Variants in PLEKHG5 observed in about 807,000 individuals in gnomAD.
The protein encoded by PLEKHG5 is pleckstrin homology domain-containing family G member 5.
A neutral mutation model predicts 103.8 loss-of-function variants in PLEKHG5; 52 were observed. The ratio of observed to expected loss-of-function variants is 0.50; its 90% CI spans 0.40 to 0.63. PLEKHG5 has a LOEUF of 0.63. Ranked by LOEUF, PLEKHG5 falls within the 30% of genes least tolerant of loss-of-function variation. The pLI, the probability that PLEKHG5 is intolerant of heterozygous loss-of-function variation, is 0.00. For missense variants in PLEKHG5, 1,205 were observed against 1,347.6 expected, an observed-to-expected ratio of 0.89 and a Z score of 1.66; for synonymous variants, 592 against 575.5, an observed-to-expected ratio of 1.03 and a Z score of -0.41.
chr1:6,518,868 G>C (rs768858094), intron 1 of PLEKHG5, among the ~76,000 whole-genome samples: 8 of 152,172 alleles, frequency 5.3e-5, no homozygotes, highest in Non-Finnish European at 1.2e-4. Flanking sequence ...GTTTGAGACG[G>C]AGTCTTGCTC....
rs760991976 is a variant in PLEKHG5 at position 6,471,817 on chromosome 1, T to G, written c.1081-9A>C. Reference sequence around the variant, plus strand: ...AGGCAGCACAGGAACAGCTGTGGGATCAGGGGATGGTGTGACTGGGGTCGG... The same window carrying G: ...AGGCAGCACAGGAACAGCTGTGGGAGCAGGGGATGGTGTGACTGGGGTCGG... On this transcript the variant is annotated splice_polypyrimidine_tract_variant and intron_variant, in intron 10 of 20. Coordinates refer to ENST00000377728, the MANE Select transcript of PLEKHG5 (RefSeq NM_020631.6). 6.2e-7 allele frequency: 1 copy of G among 1,604,604 alleles called. No individual in the cohort carries two copies. Among genetic ancestry groups the G allele is most frequent in the Admixed American group, 1.7e-5 (1 of 59,042 alleles).
chr1:6,515,450 C>A (rs1419723915), intron 1 of PLEKHG5, among the ~76,000 whole-genome samples: 2 of 152,060 alleles, frequency 1.3e-5, no homozygotes, highest in Non-Finnish European at 2.9e-5. Flanking sequence ...TCACTTGAAC[C>A]CAGGAGGTGG....
intron 1 of PLEKHG5, among the ~76,000 whole-genome samples, chr1:6,517,925 G>A (rs952208666): frequency 1.3e-5 from 2 of 152,038 alleles, no homozygotes; most frequent in Non-Finnish European, 2.9e-5. Flanking sequence ...GCGTCATGGC[G>A]GATATATATA....
chr1:6,488,989 C>T (rs1462719691), intron 1 of PLEKHG5, among the ~76,000 whole-genome samples: 3 of 152,184 alleles, frequency 2.0e-5, no homozygotes, highest in East Asian at 1.9e-4. Context: ...TGCCCCACAA[C>T]GAGCTGGGGC....
At chr1:6,500,692 AC>A (rs531979809), upstream of PLEKHG5, among the ~76,000 whole-genome samples, 3 of 129,482 alleles carry the variant, frequency 2.3e-5, no homozygotes, top group Admixed American at 7.8e-5. Flanking sequence ...ACCATGAACT[AC>A]CCCCCTTGAG....
Position 6,474,684 on chromosome 1 carries a change from C to T in PLEKHG5, c.303-97G>A. ...CGAGCCCCCGCCCCACCCACAGCCC[C>T]AGCTGCCCCCACCTTCCCAACGGAA... On this transcript the variant is annotated intron_variant, in intron 5 of 20. Coordinates refer to ENST00000377728, the MANE Select transcript of PLEKHG5 (RefSeq NM_020631.6). 2.4e-6 allele frequency: 3 copies of T among 1,246,508 alleles called. No homozygotes were observed. The Middle Eastern group carries it at 7.9e-4, about 327-fold the overall frequency. 77.2% of individuals were successfully genotyped at this position (1,246,508 alleles called of 1,614,324 possible). A position where few individuals can be genotyped will look rare whatever the true frequency, so the allele number is the denominator to read the frequency against.
At chr1:6,474,220 TC>T (rs1644688811) in intron 6 of PLEKHG5, 56 bp from the exon 7 acceptor site, 1 of 1,588,408 alleles carries the variant, frequency 6.3e-7, no homozygotes, top group South Asian at 1.1e-5. Context: ...GAGGAGGGGG[TC>T]CCCGGTCCTC....
chr1:6,484,116 C>G (rs1644965830), intron 1 of PLEKHG5, among the ~76,000 whole-genome samples: 1 of 152,348 alleles, frequency 6.6e-6, no homozygotes, highest in South Asian at 2.1e-4. Flanking sequence ...GTGCCACCAT[C>G]TTGTTTTTAA....
chr1:6,485,377 G>A (rs948247626), intron 1 of PLEKHG5: 3 of 1,412,686 alleles, frequency 2.1e-6, no homozygotes, highest in African/African-American at 1.5e-5. Context: ...TCCGAGTCCC[G>A]GAGGGGCAGC....
chr1:6,476,818 G>C (rs1275345283), intron 2 of PLEKHG5, among the ~76,000 whole-genome samples: 1 of 152,106 alleles, frequency 6.6e-6, no homozygotes, highest in African/African-American at 2.4e-5. Context: ...GCAGTGGCAC[G>C]ATCAGGGCTC....
chr1:6,472,651 C>T (rs1284648286), intron 9 of PLEKHG5, 29 bp from the exon 10 acceptor site: 8 of 1,543,828 alleles, frequency 5.2e-6, no homozygotes, highest in African/African-American at 1.4e-5. Flanking sequence ...GGGTCATTCA[C>T]GAGGCCTGGA....
chr1:6,479,255 C>T (rs796981947), intron 1 of PLEKHG5, among the ~76,000 whole-genome samples: 2 of 150,630 alleles, frequency 1.3e-5, no homozygotes, highest in Admixed American at 6.6e-5. Flanking sequence ...AAGTTTCACA[C>T]GTGGCATTTG....
intron 9 of PLEKHG5, 142 bp from the exon 10 acceptor site, chr1:6,472,764 A>G (rs1464465748): frequency 6.6e-6 from 5 of 755,604 alleles, no homozygotes; most frequent in Non-Finnish European, 1.2e-5. Context: ...CCTTGACACC[A>G]CATGAGTAAT....
chr1:6,496,640 AC>A, upstream of PLEKHG5: 1 of 1,135,438 alleles, frequency 8.8e-7, no homozygotes, highest in East Asian at 2.7e-5. Context: ...TGGCCTCCCA[AC>A]CGGAGGAGGG....
At chr1:6,497,636 T>C (rs1002619807), upstream of PLEKHG5, among the ~76,000 whole-genome samples, 2 of 152,002 alleles carry the variant, frequency 1.3e-5, no homozygotes, top group Non-Finnish European at 2.9e-5. This position sits in a 1 kb window ranked among gnomAD's most constrained non-coding sequence, Gnocchi z 6.1. Context: ...CGCACGGCTC[T>C]GTCCTGGAGG....
At position 6,488,175 on chromosome 1, in the gene PLEKHG5, T is replaced by C. The variant is rs114975627; in HGVS notation, c.-88+3462A>G. 6.9e-3 allele frequency among the ~76,000 whole-genome samples: 1,044 copies of C among 152,326 alleles called. 17 individuals are homozygous for C. The highest frequency in any genetic ancestry group is 0.023 in the African/African-American group (946 of 41,550). Reference sequence around the variant, plus strand: ...TAACTGCATTTCACTGAGCATTCCATGTGCCACCCCATCGTGGGAGTTCCA... The same window carrying C: ...TAACTGCATTTCACTGAGCATTCCACGTGCCACCCCATCGTGGGAGTTCCA... On this transcript the variant is annotated intron_variant, in intron 1 of 20. Coordinates refer to ENST00000377728, the MANE Select transcript of PLEKHG5 (RefSeq NM_020631.6).
At chr1:6,475,891 G>T (rs1644752531) in intron 3 of PLEKHG5, 40 bp downstream of exon 3, 1 of 1,507,848 alleles carries the variant, frequency 6.6e-7, no homozygotes. Context: ...CAGCCGTGGG[G>T]CCCTCCAGGT....
chr1:6,517,441 C>T (rs917487931), intron 1 of PLEKHG5, among the ~76,000 whole-genome samples: 3 of 152,096 alleles, frequency 2.0e-5, no homozygotes, highest in South Asian at 2.1e-4. Flanking sequence ...CACACCTGGA[C>T]GCAATCTCCC....
chr1:6,498,356 T>C (rs1014555849), upstream of PLEKHG5, among the ~76,000 whole-genome samples: 3 of 152,216 alleles, frequency 2.0e-5, no homozygotes, highest in Admixed American at 6.5e-5. Context: ...ACTCCTTACA[T>C]GGGCTGGGTC....
Sources: allele counts gnomAD v4.1 joint callset (sites outside exome capture counted in the v4.1 genomes callset), GRCh38; gene constraint gnomAD v4.1.1; non-coding constraint Gnocchi (gnomAD v3.1); transcripts MANE v1.5; gene names NCBI Gene and HGNC (gene_info 2026-07-23, HGNC 2026-07-21).